ZAN: variants seen among roughly 807,000 people sequenced by gnomAD.
The protein encoded by ZAN is zonadhesin (gene/pseudogene).
ZAN carries 260 observed loss-of-function variants against 286.2 expected under a neutral mutation model. That is an observed-to-expected ratio of 0.91 (90% CI 0.82 to 1.01). The LOEUF is 1.01. Ranked by LOEUF, ZAN falls within the 50% of genes least tolerant of loss-of-function variation. The probability of loss-of-function intolerance (pLI) is 0.00; values close to 1 mark genes in which losing one functional copy is unlikely to be tolerated. For missense variants in ZAN, 3,410 were observed against 3,639.2 expected (o/e 0.94, Z 1.62); for synonymous variants, 1,368 against 1,417.5 (o/e 0.97, Z 0.79).
Position 100,746,614 on chromosome 7 carries a change from G to T in ZAN, c.843G>T (p.Leu281=). 6.2e-7 allele frequency: 1 copy of T among 1,613,994 alleles called. No individual in the cohort carries two copies. Among genetic ancestry groups the T allele is most frequent in the Non-Finnish European group, 8.5e-7 (1 of 1,179,898 alleles). Residue 281 remains leucine, a synonymous_variant, in exon 8 of 48, where the codon CTG becomes CTT. Coordinates refer to ENST00000613979, the MANE Select transcript of ZAN (RefSeq NM_003386.3). ...QKAVLLSPVS[L]SSGCLSFSFH... Reference sequence around the variant, plus strand: ...CTGTCCTCCTGAGCCCCGTGAGCCTGTCCTCTGGCTGTCTGAGCTTTTCCT... The same window carrying T: ...CTGTCCTCCTGAGCCCCGTGAGCCTTTCCTCTGGCTGTCTGAGCTTTTCCT...
intron 26 of ZAN, among the ~76,000 whole-genome samples, chr7:100,768,363 T>C (rs1413410796): frequency 1.3e-5 from 2 of 152,088 alleles, no homozygotes; most frequent in African/African-American, 4.8e-5. Flanking sequence ...TCCCAGCTAT[T>C]TGGGAGGCTG....
At chr7:100,765,674 G>A in intron 23 of ZAN, 120 bp downstream of exon 23, 1 of 1,304,630 alleles carries the variant, frequency 7.7e-7, no homozygotes, top group Non-Finnish European at 1.0e-6. Context: ...TTTTGAGACG[G>A]AGTTTTGCTC....
chr7:100,764,420 G>A (rs1280896840), intron 22 of ZAN, among the ~76,000 whole-genome samples: 4 of 152,066 alleles, frequency 2.6e-5, no homozygotes, highest in African/African-American at 4.8e-5. Context: ...GCTTGAACCC[G>A]GGAGGCAGAG....
chr7:100,767,306 G>C, intron 25 of ZAN, 49 bp downstream of exon 25: 4 of 1,571,170 alleles, frequency 2.5e-6, no homozygotes, highest in Non-Finnish European at 3.4e-6. Flanking sequence ...CAGCCTGCTT[G>C]CTTCTCTCCT....
At chr7:100,768,084 A>T in intron 26 of ZAN, 73 bp downstream of exon 26, 1 of 1,510,776 alleles carries the variant, frequency 6.6e-7, no homozygotes, top group Non-Finnish European at 8.9e-7. Flanking sequence ...AGCTCCCCCA[A>T]CATCTCTGTG....
Position 100,764,054 on chromosome 7 carries a change from T to C in ZAN, c.4125T>C (p.Ala1375=). 1 of 1,613,840 alleles carries C rather than the reference T, an allele frequency of 6.2e-7. No homozygotes were observed. The highest frequency in any genetic ancestry group is 8.5e-7 in the Non-Finnish European group (1 of 1,179,826). Residue 1375 remains alanine, a synonymous_variant, in exon 22 of 48, where the codon GCT becomes GCC. Transcript: ENST00000613979. ...CATGCCTGCTGCACGTGAAGGCCGCTTCCTTCTTCGACAGCTGCATGCTTG... is the reference window on the plus strand; with the variant it reads ...CATGCCTGCTGCACGTGAAGGCCGCCTCCTTCTTCGACAGCTGCATGCTTG... ...FETCLLHVKA[A]SFFDSCMLDM...
In ZAN at chr7:100,764,172, C is replaced by G; in HGVS notation, c.4243C>G (p.Pro1415Ala). 1 of 1,583,862 alleles carries G rather than the reference C, an allele frequency of 6.3e-7. No homozygotes were observed. The highest frequency in any genetic ancestry group is 8.6e-7 in the Non-Finnish European group (1 of 1,165,812). Residue 1415 changes from proline to alanine, a missense_variant, in exon 22 of 48, where the codon CCC (proline) becomes GCC (alanine). Physicochemically the swap from Pro to Ala is conservative, Grantham distance 27 (BLOSUM62 -1). Coordinates refer to ENST00000613979, the MANE Select transcript of ZAN (RefSeq NM_003386.3). ...TCQDAGHAVKPWREPHFCPMA... is the reference protein window; with the variant it reads ...TCQDAGHAVKAWREPHFCPMA... ...CCAGGACGCAGGCCACGCTGTGAAG[C>G]CCTGGAGGGAACCCCACTTCTGCCG...
intron 40 of ZAN, among the ~76,000 whole-genome samples, chr7:100,791,360 CCTT>C (rs1405952081): frequency 2.6e-5 from 4 of 151,666 alleles, no homozygotes; most frequent in African/African-American, 9.7e-5. Flanking sequence ...CTTCCTTCTT[CCTT>C]CTTTCCTCCT....
chr7:100,781,335 G>A (rs1180166447), intron 35 of ZAN, among the ~76,000 whole-genome samples: 1 of 152,066 alleles, frequency 6.6e-6, no homozygotes, highest in African/African-American at 2.4e-5. Context: ...CAAAGTGCTG[G>A]GATTACAGAC....
rs1001313492 is a variant in ZAN, at chr7:100,753,190, G to A, written c.3085G>A (p.Val1029Met). 6.2e-7 allele frequency: 1 copy of A among 1,609,042 alleles called. No homozygotes were observed. Among genetic ancestry groups the A allele is most frequent in the African/African-American group, 1.3e-5 (1 of 74,816 alleles). The change falls in exon 14 of 48, where the codon GTG becomes ATG. Residue 1029 changes from valine to methionine, a missense_variant. This residue lies in a region of ZAN where 1,042 missense variants were observed against 1,058.0 expected (regional missense o/e 0.98). Transcript: ENST00000613979. The stretch of plus-strand genomic sequence containing the variant: ...TGCTCCAAGTACCCCTATGACCAGT[G>A]TGATTCTGGGCACTACCACAACCTC... ...PHAPSTPMTS[V>M]ILGTTTTSRS...
intron 45 of ZAN, among the ~76,000 whole-genome samples, chr7:100,796,715 C>T (rs1344931014): frequency 6.6e-6 from 1 of 152,136 alleles, no homozygotes; most frequent in African/African-American, 2.4e-5. Context: ...TGTGCCCAAC[C>T]AGAATCTGCA....
rs750514737 is a variant in ZAN at position 100,759,803 on chromosome 7, G to T, written c.3654G>T (p.Leu1218=). 1 of 1,610,786 alleles carries T rather than the reference G, an allele frequency of 6.2e-7. No homozygotes were observed. The highest frequency in any genetic ancestry group is 8.5e-7 in the Non-Finnish European group (1 of 1,178,862). ...GCCTGAGCAAAGTCTACGTGACCCT[G>T]CCCGAGAGCACCGTCACCCTGCTTA... is the stretch of plus-strand genomic sequence containing the variant. ...VSCLSKVYVT[L]PESTVTLLKG... The change falls in exon 18 of 48, where the codon CTG becomes CTT. Residue 1218 remains leucine (L), a synonymous_variant. Coordinates refer to ENST00000613979, the MANE Select transcript of ZAN (RefSeq NM_003386.3).
chr7:100,738,871 T>TCTCCTTCTCCTTCTC lies in ZAN; in HGVS notation c.766+260_766+261insCCTTCTCCTTCTCCT, dbSNP rs1554396765. Among the ~76,000 whole-genome samples the TCTCCTTCTCCTTCTC allele has an allele frequency of 3.0e-4, 7 of 23,704 alleles. 1 individual carries two copies. Among genetic ancestry groups the TCTCCTTCTCCTTCTC allele is most frequent in the Non-Finnish European group, 1.8e-4 (2 of 11,188 alleles). 15.6% of individuals were successfully genotyped at this position (23,704 alleles called of 152,430 possible). On this transcript the variant is annotated intron_variant, in intron 7 of 47. Coordinates refer to ENST00000613979, the MANE Select transcript of ZAN (RefSeq NM_003386.3). ...TTCTTCTTCTTTCTCTTCCTCTTCTTCTTCTCCCTCTCCCTCTCCCTCTCC... is the reference window on the plus strand; with the variant it reads ...TTCTTCTTCTTTCTCTTCCTCTTCTTCTCCTTCTCCTTCTCCTTCTCCCTCTCCCTCTCCCTCTCC...
chr7:100,759,731 C>T lies in ZAN; in HGVS notation c.3582C>T (p.Phe1194=). ...QPCGNSTDPF[F]RVTAKNEEQG... Reference sequence around the variant, plus strand: ...CCTCTCCCTACCCAGACCCATTCTTCAGGGTGACAGCCAAGAATGAGGAGC... The same window carrying T: ...CCTCTCCCTACCCAGACCCATTCTTTAGGGTGACAGCCAAGAATGAGGAGC... The change falls in exon 18 of 48, where the codon TTC becomes TTT. Residue 1194 remains phenylalanine (F), a synonymous_variant. Transcript: ENST00000613979. The T allele has an allele frequency of 1.3e-6, 2 of 1,588,288 alleles. No individual in the cohort carries two copies. Among genetic ancestry groups the T allele is most frequent in the Non-Finnish European group, 1.7e-6 (2 of 1,167,422 alleles).
intron 34 of ZAN, among the ~76,000 whole-genome samples, chr7:100,778,283 G>A (rs1810954646): frequency 2.6e-5 from 4 of 152,112 alleles, no homozygotes; most frequent in Admixed American, 2.6e-4. Context: ...CTCCAGCCTG[G>A]ATGACAGAGC....
At chr7:100,750,087 C>CAT (rs1554399874) in intron 11 of ZAN, among the ~76,000 whole-genome samples, 10 of 150,328 alleles carry the variant, frequency 6.7e-5, no homozygotes, top group South Asian at 2.1e-4. Context: ...CACACACACA[C>CAT]ACACACACAC....
Position 100,797,558 on chromosome 7 carries a change from A to C in ZAN, c.8367-19A>C. 1 of 1,613,802 alleles carries C rather than the reference A, an allele frequency of 6.2e-7. No homozygotes were observed. The highest frequency in any genetic ancestry group is 1.3e-5 in the African/African-American group (1 of 74,994). ...AAGGGCCACTTGGGGACCCATGTCT[A>C]TTCCCCCATGCCTTCTAGAGAGAAA... On this transcript the variant is annotated intron_variant, in intron 46 of 47. Coordinates refer to ENST00000613979, the MANE Select transcript of ZAN (RefSeq NM_003386.3).
Position 100,736,984 on chromosome 7 carries a change from C to A in ZAN, c.429C>A (p.Arg143=). ...TGCTGCTCTCGGGTGAAGAGGGCCG[C>A]CGCCCCGATGTGCTCTGGAAACACT... is the stretch of plus-strand genomic sequence containing the variant. The part of the protein sequence containing the change: ...RLLLLSGEEG[R]RPDVLWKHWN... Residue 143 remains arginine, a synonymous_variant, in exon 5 of 48, where the codon CGC becomes CGA. Transcript: ENST00000613979. 3.3e-6 allele frequency: 5 copies of A among 1,502,940 alleles called. 2 individuals carry two copies. Among genetic ancestry groups the A allele is most frequent in the Non-Finnish European group, 4.6e-6 (5 of 1,097,942 alleles). 93.1% of individuals were successfully genotyped at this position (1,502,940 alleles called of 1,614,324 possible).
Position 100,779,749 on chromosome 7 carries a change from C to A in ZAN, c.6621C>A (p.Cys2207Ter). 6.5e-7 allele frequency: 1 copy of A among 1,550,348 alleles called. No individual in the cohort carries two copies. Among genetic ancestry groups the A allele is most frequent in the Non-Finnish European group, 8.7e-7 (1 of 1,147,704 alleles). Reference sequence around the variant, plus strand: ...CACTCTGGAGAAACAGCAGCTTCTGCCGTGAGTGTGCCCTGCTGTCACCCC... The same window carrying A: ...CACTCTGGAGAAACAGCAGCTTCTGACGTGAGTGTGCCCTGCTGTCACCCC... ...KPPLWRNSSF[C>*]PLECPAYSSY... Residue 2207 changes from cysteine (C) to a stop codon, truncating the protein, a stop_gained and splice_region_variant, in exon 35 of 48, where the codon TGC becomes TGA. Transcript: ENST00000613979. LOFTEE classifies it high-confidence loss of function.
Sources: gnomAD v4.1 joint callset for allele counts (sites outside exome capture counted in the v4.1 genomes callset) on GRCh38, gnomAD v4.1.1 for gene constraint, gnomAD v4.1.1 regional missense constraint, MANE v1.5 for transcripts, NCBI Gene and HGNC (gene_info 2026-07-23, HGNC 2026-07-21) for gene names.